Variants in NCR3LG1 observed in about 807,000 individuals in gnomAD.
NCR3LG1 encodes natural cytotoxicity triggering receptor 3 ligand 1.
NCR3LG1 carries 35 observed loss-of-function variants against 34.8 expected under a neutral mutation model. The ratio of observed to expected loss-of-function variants is 1.01; its 90% CI spans 0.77 to 1.33. The LOEUF (loss-of-function observed/expected upper bound fraction) is 1.33. Among genes scored for constraint, NCR3LG1 ranks in the 40% most tolerant of loss-of-function variants. NCR3LG1 has a pLI of 0.00. For synonymous variants in NCR3LG1, 173 were observed against 163.6 expected (o/e 1.06, Z -0.44); for missense variants, 452 against 423.3 (o/e 1.07, Z -0.60).
At chr11:17,367,407 T>A in intron 3 of NCR3LG1, 60 bp downstream of exon 3, 1 of 1,313,274 alleles carries the variant, frequency 7.6e-7, no homozygotes, top group Non-Finnish European at 1.0e-6. Flanking sequence ...AACATAAGAC[T>A]TATTCCCACA....
chr11:17,372,596 G>A lies in NCR3LG1; in HGVS notation c.*84G>A. ...GGCAAATAAGAGGGGACCTGGGCAA[G>A]TTCTCTGATGACCTGATAGATATAT... On this transcript the variant is annotated 3_prime_UTR_variant, in exon 5 of 5. Coordinates refer to ENST00000338965, the MANE Select transcript of NCR3LG1 (RefSeq NM_001202439.3). The A allele has an allele frequency of 1.6e-6, 1 of 611,860 alleles. No homozygotes were observed. The highest frequency in any genetic ancestry group is 2.7e-5 in the East Asian group (1 of 36,616). The allele number at this position is 611,860 out of a possible 1,614,324, so 37.9% of individuals were successfully genotyped here.
chr11:17,370,036 C>A (rs1375395931), intron 4 of NCR3LG1, among the ~76,000 whole-genome samples: 1 of 152,172 alleles, frequency 6.6e-6, no homozygotes, highest in Non-Finnish European at 1.5e-5. Context: ...TAGACATGCT[C>A]ACAATAGAAA....
chr11:17,357,057 C>A, intron 2 of NCR3LG1, 56 bp downstream of exon 2: 1 of 1,149,490 alleles, frequency 8.7e-7, no homozygotes, highest in Non-Finnish European at 1.2e-6. Flanking sequence ...TTAGCAACAA[C>A]AAAACCCACA....
intron 3 of NCR3LG1, among the ~76,000 whole-genome samples, chr11:17,367,631 TG>T (rs1953360549): frequency 6.6e-6 from 1 of 152,140 alleles, no homozygotes; most frequent in Non-Finnish European, 1.5e-5. Flanking sequence ...TTCAGGGTTT[TG>T]GATGGTCCAT....
At chr11:17,361,803 T>C (rs1431625471) in intron 2 of NCR3LG1, among the ~76,000 whole-genome samples, 1 of 152,102 alleles carries the variant, frequency 6.6e-6, no homozygotes, top group Non-Finnish European at 1.5e-5. Context: ...TTTTATTTCT[T>C]CCATTATTTT....
intron 2 of NCR3LG1, 31 bp downstream of exon 2, chr11:17,357,032 C>T (rs1953218657): frequency 7.1e-7 from 1 of 1,412,280 alleles, no homozygotes; most frequent in Admixed American, 2.5e-5. Context: ...CCCTACAGTT[C>T]CCATGGTGTT....
At position 17,372,061 on chromosome 11, in the gene NCR3LG1, G is replaced by A. The variant is rs1192930947; in HGVS notation, c.914G>A (p.Trp305Ter). The change falls in exon 5 of 5, where the codon TGG (tryptophan) becomes TAG (stop). Residue 305 changes from tryptophan (W) to a stop codon, truncating the protein, a stop_gained. Coordinates refer to ENST00000338965, the MANE Select transcript of NCR3LG1 (RefSeq NM_001202439.3). LOFTEE classifies it high-confidence loss of function. ...CCTCTCAAGTGCATTCTGAAACACT[G>A]GAACTCCTTTGACACTCAGACTCTG... is the stretch of plus-strand genomic sequence containing the variant. ...YTPLKCILKH[W>*]NSFDTQTLKK... is the part of the protein sequence containing the mutation. 2.8e-6 allele frequency: 2 copies of A among 702,716 alleles called. No individual in the cohort carries two copies. The highest frequency in any genetic ancestry group is 2.6e-6 in the Non-Finnish European group (1 of 385,002). 43.5% of individuals were successfully genotyped at this position (702,716 alleles called of 1,614,324 possible).
At chr11:17,377,587 A>G (rs898977021), downstream of NCR3LG1, among the ~76,000 whole-genome samples, 3 of 152,250 alleles carry the variant, frequency 2.0e-5, no homozygotes, top group African/African-American at 7.2e-5. Flanking sequence ...TCCTGAGTAT[A>G]GATATCCCCA....
chr11:17,357,652 C>G (rs901135978), intron 2 of NCR3LG1, among the ~76,000 whole-genome samples: 1 of 77,532 alleles, frequency 1.3e-5, no homozygotes, highest in Admixed American at 1.5e-4. Context: ...TATATACGGC[C>G]AACTGACAGT....
rs576851233 is a variant in NCR3LG1, at chr11:17,357,870, C to T, written c.421+869C>T. On this transcript the variant is annotated intron_variant, in intron 2 of 4. Transcript: ENST00000338965. ...CTCGGTTGCATGCCACCATGCCTGG[C>T]GAATTTTTACATTTTTGTAGAGATG... Among the ~76,000 whole-genome samples the T allele has an allele frequency of 1.5e-3, 223 of 152,056 alleles. 1 individual carries two copies. The highest frequency in any genetic ancestry group is 5.1e-3 in the African/African-American group (213 of 41,450).
rs939757682 is a variant in NCR3LG1 at position 17,368,837 on chromosome 11, C to A, written c.761-30C>A. The A allele has an allele frequency of 2.9e-5, 41 of 1,433,818 alleles. No homozygotes were observed. In the Admixed American group the frequency reaches 3.0e-4, roughly 10 times the overall value. The allele number at this position is 1,433,818 out of a possible 1,614,324, so 88.8% of individuals were successfully genotyped here. A position where few individuals can be genotyped will look rare whatever the true frequency, so the allele number is the denominator to read the frequency against. ...TTCTCTGGCCCTTGCCAGTAGGTTT[C>A]CTGCTAATGTTTTCCTTCTCTCTCT... On this transcript the variant is annotated intron_variant, in intron 3 of 4. Coordinates refer to ENST00000338965, the MANE Select transcript of NCR3LG1 (RefSeq NM_001202439.3).
chr11:17,361,697 T>C (rs1189118564), intron 2 of NCR3LG1, among the ~76,000 whole-genome samples: 1 of 152,246 alleles, frequency 6.6e-6, no homozygotes, highest in East Asian at 1.9e-4. Flanking sequence ...AATCACTTAT[T>C]CATTCTAGGG....
At position 17,357,558 on chromosome 11, in the gene NCR3LG1, C is replaced by T. The variant is rs536678523; in HGVS notation, c.421+557C>T. On this transcript the variant is annotated intron_variant, in intron 2 of 4. Transcript: ENST00000338965. ...TACATAAGACTTTGAATGTTTTGTCCGTAGTAATTTTGGGAGTGAGAGGCA... is the reference window on the plus strand; with the variant it reads ...TACATAAGACTTTGAATGTTTTGTCTGTAGTAATTTTGGGAGTGAGAGGCA... 1.4e-4 allele frequency among the ~76,000 whole-genome samples: 21 copies of T among 152,102 alleles called. No homozygotes were observed. The East Asian group carries it at 2.5e-3, about 18-fold the overall frequency.
chr11:17,368,818 G>A (rs1488100521), intron 3 of NCR3LG1, 49 bp from the exon 4 acceptor site: 2 of 1,267,808 alleles, frequency 1.6e-6, no homozygotes, highest in Admixed American at 2.0e-5. Context: ...TGGTTTCTCT[G>A]GCCCTTGCCA....
At chr11:17,366,411 CT>C (rs1363060290) in intron 2 of NCR3LG1, among the ~76,000 whole-genome samples, 1 of 152,028 alleles carries the variant, frequency 6.6e-6, no homozygotes, top group Non-Finnish European at 1.5e-5. Flanking sequence ...AAATCCAGGC[CT>C]ACTAGACCCC....
At chr11:17,379,735 GTAAAACATTT>G (rs1360730908), downstream of NCR3LG1, among the ~76,000 whole-genome samples, 2 of 152,130 alleles carry the variant, frequency 1.3e-5, no homozygotes, top group East Asian at 3.8e-4. Flanking sequence ...CTTTTAATAT[GTAAAACATTT>G]TAAATATTAC....
chr11:17,353,342 C>T (rs1471007599), intron 1 of NCR3LG1, among the ~76,000 whole-genome samples: 2 of 152,350 alleles, frequency 1.3e-5, no homozygotes, highest in East Asian at 3.9e-4. Flanking sequence ...TAAGACAGTT[C>T]CGAGTGAAGT....
intron 2 of NCR3LG1, among the ~76,000 whole-genome samples, chr11:17,361,941 A>C (rs1248248023): frequency 6.6e-6 from 1 of 152,206 alleles, no homozygotes; most frequent in Non-Finnish European, 1.5e-5. Context: ...CCACTGTACC[A>C]GGCCTCATAT....
chr11:17,378,455 A>G (rs1953494886), downstream of NCR3LG1, among the ~76,000 whole-genome samples: 2 of 152,100 alleles, frequency 1.3e-5, no homozygotes, highest in African/African-American at 2.4e-5. Flanking sequence ...TGTATATTCA[A>G]TACTGTAACT....
Sources: allele counts gnomAD v4.1 joint callset (sites outside exome capture counted in the v4.1 genomes callset), GRCh38; gene constraint gnomAD v4.1.1; transcripts MANE v1.5; gene names NCBI Gene and HGNC (gene_info 2026-07-23, HGNC 2026-07-21).